The following DSCAML1 variants were observed in gnomAD, a reference collection of about 807,000 sequenced individuals.
The protein encoded by DSCAML1 is cell adhesion molecule DSCAML1.
In DSCAML1, 38 loss-of-function variants were observed where a neutral mutation model predicts 200.5. The observed-to-expected ratio is 0.19, with a 90% CI of 0.15 to 0.25. The LOEUF (loss-of-function observed/expected upper bound fraction) is 0.25. DSCAML1 is among the 10% of genes least tolerant of loss of function. The pLI, the probability that DSCAML1 is intolerant of heterozygous loss-of-function variation, is 1.00. For synonymous variants in DSCAML1, 1,215 were observed against 1,165.0 expected (o/e 1.04, Z -0.87); for missense variants, 2,223 against 2,858.8 (o/e 0.78, Z 5.07).
At chr11:117,633,918 C>A (rs1363714969) in intron 3 of DSCAML1, among the ~76,000 whole-genome samples, 2 of 152,124 alleles carry the variant, frequency 1.3e-5, no homozygotes, top group Non-Finnish European at 2.9e-5. Context: ...CTGAATGGGA[C>A]CCTGTTCTCT....
chr11:117,529,569 C>T (rs78615799), intron 4 of DSCAML1, among the ~76,000 whole-genome samples: 5,990 of 152,250 alleles, frequency 0.039, 184 homozygotes, highest in East Asian at 0.12. Context: ...TAATACACCT[C>T]GTTATCTCTC....
At position 117,489,384 on chromosome 11, in the gene DSCAML1, A is replaced by G. The variant is rs2049143681; in HGVS notation, c.2360-7222T>C. Among the ~76,000 whole-genome samples, 1 of 152,194 alleles carries G rather than the reference A, an allele frequency of 6.6e-6. No individual in the cohort carries two copies. The highest frequency in any genetic ancestry group is 2.4e-5 in the African/African-American group (1 of 41,448). On this transcript the variant is annotated intron_variant, in intron 11 of 32. Transcript: ENST00000651296. The surrounding 1 kb of genome is among the most constrained non-coding windows in gnomAD (Gnocchi z 4.8). ...TGTAGGGCACAGGAGGCTTTAATGAAATACAACTTCTCTGCTTTCCTGCAA... is the reference window on the plus strand; with the variant it reads ...TGTAGGGCACAGGAGGCTTTAATGAGATACAACTTCTCTGCTTTCCTGCAA...
intron 1 of DSCAML1, among the ~76,000 whole-genome samples, chr11:117,781,442 A>G (rs1242042586): frequency 6.6e-6 from 1 of 152,334 alleles, no homozygotes; most frequent in Non-Finnish European, 1.5e-5. Flanking sequence ...TCTTTCTATC[A>G]TCCCACAGAC....
intron 20 of DSCAML1, among the ~76,000 whole-genome samples, 165 bp from the exon 21 acceptor site, chr11:117,444,204 G>C (rs2048130146): frequency 6.6e-6 from 1 of 152,210 alleles, no homozygotes. Flanking sequence ...AGCGGACAGA[G>C]TGTGCCCTGG....
intron 8 of DSCAML1, among the ~76,000 whole-genome samples, chr11:117,507,853 C>A (rs549648951): frequency 6.6e-6 from 1 of 152,206 alleles, no homozygotes; most frequent in Non-Finnish European, 1.5e-5. Context: ...CAGTCTCTGG[C>A]GGCCTCTTTT....
intron 3 of DSCAML1, among the ~76,000 whole-genome samples, chr11:117,759,273 G>A (rs2054755604): frequency 6.6e-6 from 1 of 152,180 alleles, no homozygotes; most frequent in Non-Finnish European, 1.5e-5. Context: ...TGTGCCACCT[G>A]TGAACTTGGG....
chr11:117,529,564 C>T (rs1454224052), intron 4 of DSCAML1, among the ~76,000 whole-genome samples: 3 of 152,198 alleles, frequency 2.0e-5, no homozygotes, highest in Admixed American at 2.0e-4. Flanking sequence ...CTTAATAATA[C>T]ACCTCGTTAT....
At chr11:117,649,041 A>ATATGTGTGTGTGTG (rs768621807) in intron 3 of DSCAML1, among the ~76,000 whole-genome samples, 36 of 137,930 alleles carry the variant, frequency 2.6e-4, no homozygotes, top group African/African-American at 1.0e-3. Flanking sequence ...CTCCATATAT[A>ATATGTGTGTGTGTG]TGTGTGTGTG....
intron 1 of DSCAML1, among the ~76,000 whole-genome samples, chr11:117,789,867 C>T (rs1169217730): frequency 6.6e-6 from 1 of 152,164 alleles, no homozygotes; most frequent in Non-Finnish European, 1.5e-5. Flanking sequence ...AATGGGCTGC[C>T]TTGCAAGGAA....
rs777183295 is a variant in DSCAML1 at position 117,776,858 on chromosome 11, G to T, written c.444C>A (p.Ile148=). ...TAACATATTCCTGCACTGAAGAGGG[G>T]ATGAGGCACTTGAAGACGGCCACGT... ...RGNVAVFKCL[I]PSSVQEYVSV... Residue 148 remains isoleucine (I), a synonymous_variant, in exon 3 of 33, where the codon ATC becomes ATA. Coordinates refer to ENST00000651296, the MANE Select transcript of DSCAML1 (RefSeq NM_020693.4). 5 of 1,614,210 alleles carry T rather than the reference G, an allele frequency of 3.1e-6. No homozygotes were observed. Among genetic ancestry groups the T allele is most frequent in the Non-Finnish European group, 4.2e-6 (5 of 1,180,028 alleles).
chr11:117,477,852 T>C (rs2048829283), intron 14 of DSCAML1, among the ~76,000 whole-genome samples: 1 of 151,930 alleles, frequency 6.6e-6, no homozygotes, highest in African/African-American at 2.4e-5. Context: ...GGGTGGGCTG[T>C]GCTGGAGCCA....
chr11:117,521,545 C>T, intron 5 of DSCAML1, 140 bp from the exon 6 acceptor site: 1 of 824,794 alleles, frequency 1.2e-6, no homozygotes, highest in Non-Finnish European at 1.9e-6. Flanking sequence ...CTTGTGTGGA[C>T]TGGGACTGGG....
chr11:117,470,118 CTT>C lies in DSCAML1; in HGVS notation c.2954-140_2954-139del, dbSNP rs1001798232. The C allele has an allele frequency of 1.0e-4, 69 of 674,078 alleles. No individual in the cohort carries two copies. In the African/African-American group the frequency reaches 1.2e-3, roughly 12 times the overall value. 41.8% of individuals were successfully genotyped at this position (674,078 alleles called of 1,614,324 possible). A position where few individuals can be genotyped will look rare whatever the true frequency, so the allele number is the denominator to read the frequency against. The stretch of plus-strand genomic sequence containing the variant: ...AAGCTCAGATGCAGATAGCAGAGAA[CTT>C]TTGTTTGAGTTCCCCTGAAAGTAAC... On this transcript the variant is annotated intron_variant, in intron 15 of 32. Transcript: ENST00000651296.
At chr11:117,460,705 C>G (rs1240285517) in intron 18 of DSCAML1, among the ~76,000 whole-genome samples, 1 of 152,128 alleles carries the variant, frequency 6.6e-6, no homozygotes, top group Non-Finnish European at 1.5e-5. Context: ...GGAAGACATT[C>G]AAAAGTTTGG....
At chr11:117,735,775 A>G (rs1458309236) in intron 3 of DSCAML1, among the ~76,000 whole-genome samples, 1 of 152,238 alleles carries the variant, frequency 6.6e-6, no homozygotes, top group Non-Finnish European at 1.5e-5. Context: ...TGTCACGACC[A>G]GGAGACAGCA....
chr11:117,472,906 A>G (rs1217362180), intron 14 of DSCAML1, among the ~76,000 whole-genome samples: 2 of 152,224 alleles, frequency 1.3e-5, no homozygotes, highest in Non-Finnish European at 2.9e-5. Flanking sequence ...TGCCTCAGCT[A>G]GGACCTTCCA....
chr11:117,501,201 G>A (rs529458871), intron 11 of DSCAML1, among the ~76,000 whole-genome samples: 2 of 152,122 alleles, frequency 1.3e-5, no homozygotes, highest in Non-Finnish European at 2.9e-5. Context: ...GGAAAGAAAA[G>A]AGCAGGCAAG....
chr11:117,628,027 AG>A, intron 3 of DSCAML1, among the ~76,000 whole-genome samples: 1 of 152,270 alleles, frequency 6.6e-6, no homozygotes, highest in South Asian at 2.1e-4. Context: ...TATGTTTTAA[AG>A]GGTTTATGTT....
At chr11:117,792,731 C>A (rs1490705808) in intron 1 of DSCAML1, among the ~76,000 whole-genome samples, 2 of 152,176 alleles carry the variant, frequency 1.3e-5, no homozygotes, top group Non-Finnish European at 2.9e-5. Flanking sequence ...CACCAGGAAT[C>A]TAATGCGGGC....
Sources: gnomAD v4.1 joint callset for allele counts (sites outside exome capture counted in the v4.1 genomes callset) on GRCh38, gnomAD v4.1.1 for gene constraint, Gnocchi (gnomAD v3.1) non-coding constraint, MANE v1.5 for transcripts, NCBI Gene and HGNC (gene_info 2026-07-23, HGNC 2026-07-21) for gene names.